KITLG: variants seen among roughly 807,000 people sequenced by gnomAD.
KITLG encodes the protein KIT ligand.
In KITLG, 13 loss-of-function variants were observed where a neutral mutation model predicts 34.1. The observed-to-expected ratio is 0.38, with a 90% CI of 0.25 to 0.61. The LOEUF (loss-of-function observed/expected upper bound fraction) is 0.61. KITLG is among the 20% of genes least tolerant of loss of function. KITLG has a pLI of 0.60. For synonymous variants in KITLG, 110 were observed against 104.0 expected, an observed-to-expected ratio of 1.06 and a Z score of -0.35; for missense variants, 292 against 318.9, an observed-to-expected ratio of 0.92 and a Z score of 0.64.
chr12:88,572,615 A>C (rs1269993047), intron 1 of KITLG, among the ~76,000 whole-genome samples: 1 of 146,898 alleles, frequency 6.8e-6, no homozygotes, highest in Non-Finnish European at 1.5e-5. Flanking sequence ...ATATATATAT[A>C]TATAATTTGT....
chr12:88,576,374 G>C (rs950432875), intron 1 of KITLG, among the ~76,000 whole-genome samples: 9 of 152,180 alleles, frequency 5.9e-5, no homozygotes, highest in Admixed American at 1.3e-4. Context: ...CTCTGTGCTT[G>C]GTTCATTAGG....
At chr12:88,509,542 C>T (rs1441446893) in intron 6 of KITLG, among the ~76,000 whole-genome samples, 1 of 152,144 alleles carries the variant, frequency 6.6e-6, no homozygotes, top group Non-Finnish European at 1.5e-5. Context: ...TGAGCCAATA[C>T]ACAATCCTGG....
intron 2 of KITLG, among the ~76,000 whole-genome samples, chr12:88,543,357 C>A (rs993097296): frequency 1.3e-5 from 2 of 151,946 alleles, no homozygotes; most frequent in African/African-American, 2.4e-5. Flanking sequence ...TGAGAACATG[C>A]GGTGTTTGGT....
intron 1 of KITLG, among the ~76,000 whole-genome samples, chr12:88,553,507 A>G (rs989866081): frequency 5.9e-5 from 9 of 151,622 alleles, no homozygotes; most frequent in Non-Finnish European, 1.2e-4. Context: ...TTGTTTTATC[A>G]TTGTACAACT....
intron 4 of KITLG, 41 bp downstream of exon 4, chr12:88,518,656 A>G (rs1481274750): frequency 7.9e-6 from 12 of 1,519,644 alleles, no homozygotes; most frequent in Non-Finnish European, 1.1e-5. Flanking sequence ...GGGTTTTTAG[A>G]GAAGCGTAAT....
At chr12:88,573,717 T>G (rs1871733660) in intron 1 of KITLG, among the ~76,000 whole-genome samples, 1 of 152,224 alleles carries the variant, frequency 6.6e-6, no homozygotes, top group Admixed American at 6.5e-5. Context: ...CCTGTGCTCT[T>G]TCTTCCCAGG....
In KITLG at chr12:88,496,283, TG is replaced by T. The variant is rs1256079821; in HGVS notation, c.*935del. 2.0e-5 allele frequency: 3 copies of T among 152,176 alleles called. No homozygotes were observed. Among genetic ancestry groups the T allele is most frequent in the African/African-American group, 7.2e-5 (3 of 41,450 alleles). 9.4% of individuals were successfully genotyped at this position (152,176 alleles called of 1,614,324 possible). On this transcript the variant is annotated 3_prime_UTR_variant, in exon 10 of 10. Coordinates refer to ENST00000644744, the MANE Select transcript of KITLG (RefSeq NM_000899.5). ...GGCTCTCCCATGGTGGAAATTGAAA[TG>T]GGACCATCTTACATTCAGCATTTTC... is the stretch of plus-strand genomic sequence containing the variant.
At chr12:88,573,974 G>A (rs1166509584) in intron 1 of KITLG, among the ~76,000 whole-genome samples, 1 of 151,984 alleles carries the variant, frequency 6.6e-6, no homozygotes, top group Non-Finnish European at 1.5e-5. Flanking sequence ...GTTCTAATCA[G>A]CAGCATTCAA....
chr12:88,506,423 G>T, intron 7 of KITLG, 45 bp from the exon 8 acceptor site: 1 of 1,349,894 alleles, frequency 7.4e-7, no homozygotes, highest in South Asian at 1.2e-5. Context: ...ATCAATGAAT[G>T]GTCTAATATT....
intron 6 of KITLG, among the ~76,000 whole-genome samples, chr12:88,512,982 C>T (rs535283265): frequency 1.3e-5 from 2 of 151,826 alleles, no homozygotes; most frequent in East Asian, 3.9e-4. Context: ...AATAAATATG[C>T]AGGTTAATAT....
intron 1 of KITLG, 200 bp from the exon 2 acceptor site, chr12:88,546,065 T>C (rs761401124): frequency 1.5e-6 from 1 of 680,592 alleles, no homozygotes; most frequent in Non-Finnish European, 2.7e-6. Context: ...TTTGAATTAT[T>C]CTCTCAATGA....
intron 2 of KITLG, among the ~76,000 whole-genome samples, chr12:88,538,705 A>C (rs1458868912): frequency 6.6e-6 from 1 of 152,114 alleles, no homozygotes; most frequent in African/African-American, 2.4e-5. Flanking sequence ...GGTTAAGTGG[A>C]TAAGTAACCA....
intron 9 of KITLG, among the ~76,000 whole-genome samples, chr12:88,499,566 C>A (rs139056976): frequency 4.5e-4 from 68 of 152,240 alleles, no homozygotes; most frequent in Admixed American, 2.4e-3. Context: ...GCAAATCATT[C>A]TTTCCAGGCC....
intron 2 of KITLG, among the ~76,000 whole-genome samples, chr12:88,541,616 C>T (rs1337191936): frequency 6.6e-6 from 1 of 152,154 alleles, no homozygotes; most frequent in East Asian, 1.9e-4. Flanking sequence ...AAGCTTGATT[C>T]ATCCTCTTCC....
chr12:88,568,904 A>C (rs12146799), intron 1 of KITLG, among the ~76,000 whole-genome samples: 11,434 of 152,262 alleles, frequency 0.075, 498 homozygotes, highest in Non-Finnish European at 0.1. Context: ...TCCATTTTAC[A>C]GAAGTTTAAG....
At chr12:88,542,955 G>A (rs1272530037) in intron 2 of KITLG, among the ~76,000 whole-genome samples, 3 of 152,094 alleles carry the variant, frequency 2.0e-5, no homozygotes, top group Non-Finnish European at 4.4e-5. Flanking sequence ...TTAAATAAGA[G>A]TCAAGACATT....
intron 1 of KITLG, among the ~76,000 whole-genome samples, chr12:88,547,921 C>A (rs988046433): frequency 7.2e-5 from 11 of 152,134 alleles, no homozygotes; most frequent in African/African-American, 2.2e-4. Context: ...AAAATTCCTG[C>A]CCTCATAAGG....
At chr12:88,545,535 G>T (rs1870689939) in intron 2 of KITLG, among the ~76,000 whole-genome samples, 1 of 152,170 alleles carries the variant, frequency 6.6e-6, no homozygotes, top group African/African-American at 2.4e-5. Context: ...CACAGCAGTG[G>T]TGTGCAACTA....
intron 2 of KITLG, among the ~76,000 whole-genome samples, chr12:88,541,563 A>G (rs1455222050): frequency 6.6e-6 from 1 of 152,172 alleles, no homozygotes; most frequent in Non-Finnish European, 1.5e-5. Context: ...AATTACAACT[A>G]CTAAAATCTG....
Sources: allele counts gnomAD v4.1 joint callset (sites outside exome capture counted in the v4.1 genomes callset), GRCh38; gene constraint gnomAD v4.1.1; transcripts MANE v1.5; gene names NCBI Gene and HGNC (gene_info 2026-07-23, HGNC 2026-07-21).